The following TRHDE variants were observed in gnomAD, a reference collection of about 807,000 sequenced individuals.
TRHDE encodes thyrotropin releasing hormone degrading enzyme.
Under a neutral mutation model 125.7 loss-of-function variants are expected in TRHDE, and 72 were observed. The observed-to-expected ratio is 0.57, with a 90% CI of 0.47 to 0.70. TRHDE has a LOEUF of 0.70. Among genes scored for constraint, TRHDE ranks in the 30% least tolerant of loss-of-function variants. The probability of loss-of-function intolerance (pLI) is 0.00; values close to 1 mark genes in which losing one functional copy is unlikely to be tolerated. For missense variants in TRHDE, 1,110 were observed against 1,327.1 expected (o/e 0.84, Z 2.54); for synonymous variants, 509 against 509.1 (o/e 1.00, Z 0.00).
At chr12:72,641,768 T>C (rs963382136) in intron 15 of TRHDE, among the ~76,000 whole-genome samples, 2 of 152,206 alleles carry the variant, frequency 1.3e-5, no homozygotes, top group African/African-American at 4.8e-5. Context: ...CTGTTTTTCA[T>C]TTAATAACTA....
chr12:72,403,157 A>G (rs1489727534), intron 3 of TRHDE, among the ~76,000 whole-genome samples: 1 of 152,188 alleles, frequency 6.6e-6, no homozygotes, highest in Non-Finnish European at 1.5e-5. Context: ...CTGACAATCT[A>G]GTGGCATGGA....
rs527743041 is a variant in TRHDE, at chr12:72,381,691, C to T, written c.1315+3570C>T. On this transcript the variant is annotated intron_variant, in intron 3 of 18. Transcript: ENST00000261180. ...GATTACAGGCGTGAGCCACCGCGCCCGGCCGAAAGTTTTTAATAGTGAACG... is the reference window on the plus strand; with the variant it reads ...GATTACAGGCGTGAGCCACCGCGCCTGGCCGAAAGTTTTTAATAGTGAACG... Among the ~76,000 whole-genome samples the T allele has an allele frequency of 3.9e-5, 6 of 152,228 alleles. No individual in the cohort carries two copies. In the East Asian group the frequency reaches 7.7e-4, roughly 20 times the overall value.
intron 3 of TRHDE, among the ~76,000 whole-genome samples, chr12:72,412,377 C>T (rs183915099): frequency 5.3e-5 from 8 of 152,216 alleles, no homozygotes; most frequent in Non-Finnish European, 1.2e-4. Context: ...CAATGAAATG[C>T]TAATGTATTC....
chr12:72,238,337 CATTA>C (rs1408180551), intron 2 of TRHDE, among the ~76,000 whole-genome samples: 1 of 15,774 alleles, frequency 6.3e-5, no homozygotes, highest in South Asian at 2.0e-3. Flanking sequence ...TATATATACA[CATTA>C]TATATATATA....
intron 2 of TRHDE, among the ~76,000 whole-genome samples, chr12:72,201,418 T>A (rs1020830265): frequency 6.6e-6 from 1 of 152,072 alleles, no homozygotes; most frequent in African/African-American, 2.4e-5. Context: ...TGAAGTTTGG[T>A]TATACCCTAA....
chr12:72,571,186 T>G (rs1250699399), intron 10 of TRHDE, among the ~76,000 whole-genome samples: 1 of 152,198 alleles, frequency 6.6e-6, no homozygotes, highest in Non-Finnish European at 1.5e-5. Flanking sequence ...AATTTTTGTT[T>G]CCTTTTGTGT....
At chr12:72,175,243 G>A (rs994033575) in intron 2 of TRHDE, among the ~76,000 whole-genome samples, 1 of 152,156 alleles carries the variant, frequency 6.6e-6, no homozygotes, top group Non-Finnish European at 1.5e-5. Context: ...GTGGAATCAT[G>A]CACTGTTCGT....
intron 10 of TRHDE, among the ~76,000 whole-genome samples, chr12:72,574,451 AATCAACAACATAATT>A (rs1346016796): frequency 6.6e-5 from 10 of 152,248 alleles, no homozygotes; most frequent in African/African-American, 2.2e-4. Flanking sequence ...GAGACCTGAA[AATCAACAACATAATT>A]ATTAGAACTG....
intron 2 of TRHDE, among the ~76,000 whole-genome samples, chr12:72,125,989 A>G (rs1404678242): frequency 6.6e-6 from 1 of 151,954 alleles, no homozygotes; most frequent in Non-Finnish European, 1.5e-5. Context: ...ACAAAAATAA[A>G]ACAAAACAAA....
At chr12:72,569,980 G>A (rs1467959609) in intron 10 of TRHDE, among the ~76,000 whole-genome samples, 1 of 152,198 alleles carries the variant, frequency 6.6e-6, no homozygotes, top group Non-Finnish European at 1.5e-5. Flanking sequence ...AGAGCAGTGA[G>A]TTGTTATAAT....
chr12:72,174,306 C>A (rs984613066), intron 2 of TRHDE, among the ~76,000 whole-genome samples: 1 of 152,024 alleles, frequency 6.6e-6, no homozygotes, highest in Non-Finnish European at 1.5e-5. Context: ...ATTCATAGAA[C>A]CATGAGAAAG....
intron 2 of TRHDE, among the ~76,000 whole-genome samples, chr12:72,137,234 G>A (rs1021046168): frequency 2.1e-4 from 32 of 152,154 alleles, no homozygotes; most frequent in African/African-American, 7.7e-4. Flanking sequence ...TTCTAATTAT[G>A]CTCCTTGTGG....
At chr12:72,457,667 G>A (rs1313341792) in intron 3 of TRHDE, among the ~76,000 whole-genome samples, 1 of 149,768 alleles carries the variant, frequency 6.7e-6, no homozygotes, top group Non-Finnish European at 1.5e-5. Flanking sequence ...TTATATGTTT[G>A]CATTTTTTAT....
chr12:72,302,447 C>T (rs4337081), intron 2 of TRHDE, among the ~76,000 whole-genome samples: 133,417 of 152,152 alleles, frequency 0.88, 58,548 homozygotes, highest in East Asian at 0.94. Flanking sequence ...AAATAATTCA[C>T]TATGTTTCAG....
intron 12 of TRHDE, among the ~76,000 whole-genome samples, chr12:72,592,986 TACAGGCG>T (rs1871758072): frequency 1.3e-5 from 2 of 152,206 alleles, no homozygotes; most frequent in African/African-American, 4.8e-5. Flanking sequence ...GTGCTGGGAT[TACAGGCG>T]TGAGCCACCG....
rs114496431 is a variant in TRHDE at position 72,520,905 on chromosome 12, A to G, written c.1722+21270A>G. ...TTAAAATTATACTTTTTTCACATTA[A>G]CTGTTATTTATTCAGTGTTAGCTAT... On this transcript the variant is annotated intron_variant, in intron 6 of 18. Coordinates refer to ENST00000261180, the MANE Select transcript of TRHDE (RefSeq NM_013381.3). Among the ~76,000 whole-genome samples, 706 of 152,284 alleles carry G rather than the reference A, an allele frequency of 4.6e-3. 5 individuals carry two copies. The highest frequency in any genetic ancestry group is 0.014 in the Middle Eastern group (4 of 294).
chr12:72,398,014 T>C (rs1872875544), intron 3 of TRHDE, among the ~76,000 whole-genome samples: 1 of 131,724 alleles, frequency 7.6e-6, no homozygotes, highest in Non-Finnish European at 1.6e-5. Context: ...CCCCAGAGTG[T>C]GATGTTCCCC....
chr12:72,594,714 C>T (rs1191167858), intron 12 of TRHDE, among the ~76,000 whole-genome samples: 2 of 151,966 alleles, frequency 1.3e-5, no homozygotes, highest in Non-Finnish European at 2.9e-5. Flanking sequence ...GGCAATTCCT[C>T]AGGGATCTAG....
chr12:72,313,472 T>C (rs1403555667), intron 2 of TRHDE, among the ~76,000 whole-genome samples: 1 of 152,140 alleles, frequency 6.6e-6, no homozygotes, highest in Non-Finnish European at 1.5e-5. Flanking sequence ...GTATAAGATA[T>C]AGCCCAAAAT....
Sources: allele counts gnomAD v4.1 joint callset (sites outside exome capture counted in the v4.1 genomes callset), GRCh38; gene constraint gnomAD v4.1.1; transcripts MANE v1.5; gene names NCBI Gene and HGNC (gene_info 2026-07-23, HGNC 2026-07-21).